The following TBC1D5 variants were observed in gnomAD, a reference collection of about 807,000 sequenced individuals.
TBC1D5 encodes the protein TBC1 domain family, member 5.
A neutral mutation model predicts 100.3 loss-of-function variants in TBC1D5; 75 were observed. The observed-to-expected ratio is 0.75, with a 90% CI of 0.62 to 0.91. The LOEUF is 0.91. Among genes scored for constraint, TBC1D5 ranks in the 40% least tolerant of loss-of-function variants. TBC1D5 has a pLI of 0.00. For synonymous variants in TBC1D5, 323 were observed against 325.6 expected, an observed-to-expected ratio of 0.99 and a Z score of 0.09; for missense variants, 910 against 942.4, an observed-to-expected ratio of 0.97 and a Z score of 0.45.
chr3:17,556,030 G>GT (rs1164984830), intron 2 of TBC1D5, among the ~76,000 whole-genome samples: 203 of 148,494 alleles, frequency 1.4e-3, no homozygotes, highest in East Asian at 7.3e-3. Context: ...TAATAGTTTG[G>GT]TTTTTTTTTT....
At chr3:17,309,692 T>C (rs1480168555) in intron 13 of TBC1D5, among the ~76,000 whole-genome samples, 1 of 152,106 alleles carries the variant, frequency 6.6e-6, no homozygotes, top group African/African-American at 2.4e-5. Context: ...AATGCTAATA[T>C]TTACTATTCC....
chr3:17,406,381 T>G (rs772666671), intron 5 of TBC1D5, 37 bp downstream of exon 5: 4 of 1,581,634 alleles, frequency 2.5e-6, no homozygotes, highest in African/African-American at 1.4e-5. Flanking sequence ...GTTGATATAT[T>G]GCAACCAGAA....
chr3:17,263,272 G>A (rs868189455), intron 15 of TBC1D5, among the ~76,000 whole-genome samples: 70 of 149,610 alleles, frequency 4.7e-4, no homozygotes, highest in African/African-American at 1.7e-3. Flanking sequence ...CTGAGGCTGA[G>A]GTAGAACAGC....
intron 14 of TBC1D5, among the ~76,000 whole-genome samples, chr3:17,293,287 A>ATAAT (rs1027825640): frequency 3.5e-4 from 53 of 152,270 alleles, no homozygotes; most frequent in African/African-American, 1.2e-3. Flanking sequence ...TGAGAACAGT[A>ATAAT]TAATGGTTTT....
intron 1 of TBC1D5, among the ~76,000 whole-genome samples, chr3:17,654,977 G>A (rs2065917349): frequency 6.6e-6 from 1 of 151,724 alleles, no homozygotes; most frequent in Non-Finnish European, 1.5e-5. Context: ...TCTGATGGTA[G>A]TTTGTATTTC....
intron 2 of TBC1D5, among the ~76,000 whole-genome samples, chr3:17,587,671 T>C (rs2096740818): frequency 6.6e-6 from 1 of 152,076 alleles, no homozygotes; most frequent in Non-Finnish European, 1.5e-5. Context: ...CATTTTCTTA[T>C]TTTAACTTTC....
intron 17 of TBC1D5, among the ~76,000 whole-genome samples, chr3:17,232,775 TA>T (rs1209527913): frequency 6.6e-6 from 1 of 152,164 alleles, no homozygotes; most frequent in East Asian, 1.9e-4. Flanking sequence ...CCACCCCCCC[TA>T]AAAAAATGGA....
rs534803772 is a variant in TBC1D5 at position 17,167,722 on chromosome 3, G to T, written c.1932+27C>A. On this transcript the variant is annotated intron_variant, in intron 20 of 21. Coordinates refer to ENST00000253692, the Ensembl canonical transcript of TBC1D5. The stretch of plus-strand genomic sequence containing the variant: ...CTCCCCGCGGCAGGCGGGACACAAA[G>T]AAATAGTGTCAGAGCAATGCACATA... The T allele has an allele frequency of 2.5e-5, 40 of 1,606,496 alleles. No homozygotes were observed. The East Asian group carries it at 2.7e-4, about 11-fold the overall frequency.
chr3:17,501,415 T>C (rs2153223417), intron 3 of TBC1D5, among the ~76,000 whole-genome samples: 1 of 149,552 alleles, frequency 6.7e-6, no homozygotes, highest in East Asian at 1.9e-4. Flanking sequence ...ATATATTAGA[T>C]AGGTACATTT....
chr3:17,648,825 TAAC>T (rs1251194144), intron 1 of TBC1D5, among the ~76,000 whole-genome samples: 1 of 152,044 alleles, frequency 6.6e-6, no homozygotes, highest in Non-Finnish European at 1.5e-5. Context: ...AGTCGAAACA[TAAC>T]AAATGCTGGC....
intron 1 of TBC1D5, among the ~76,000 whole-genome samples, chr3:17,694,180 C>T (rs2071626643): frequency 6.6e-6 from 1 of 152,160 alleles, no homozygotes; most frequent in African/African-American, 2.4e-5. Context: ...AATCAGAGTG[C>T]CTCTTCTCCT....
intron 3 of TBC1D5, among the ~76,000 whole-genome samples, chr3:17,496,273 C>T (rs1161783908): frequency 6.6e-6 from 1 of 152,128 alleles, no homozygotes; most frequent in East Asian, 1.9e-4. Flanking sequence ...TAGTTTCATT[C>T]CAAGTGACCC....
At chr3:17,290,130 T>C (rs2081576589) in intron 15 of TBC1D5, among the ~76,000 whole-genome samples, 1 of 152,214 alleles carries the variant, frequency 6.6e-6, no homozygotes, top group Non-Finnish European at 1.5e-5. Context: ...ATTGTACTGA[T>C]CATGTTTTTA....
chr3:17,645,564 A>G (rs550922850), intron 1 of TBC1D5, among the ~76,000 whole-genome samples: 1 of 152,238 alleles, frequency 6.6e-6, no homozygotes, highest in Non-Finnish European at 1.5e-5. Context: ...TTTTTCTACA[A>G]TGGATGAAAG....
chr3:17,373,677 A>T (rs1438756939), intron 12 of TBC1D5, among the ~76,000 whole-genome samples: 1 of 152,200 alleles, frequency 6.6e-6, no homozygotes, highest in Non-Finnish European at 1.5e-5. Context: ...TTTTTCAGGC[A>T]TAAAAAGAAA....
chr3:17,424,510 G>A (rs1232079664), intron 4 of TBC1D5, among the ~76,000 whole-genome samples: 7 of 152,116 alleles, frequency 4.6e-5, no homozygotes, highest in South Asian at 2.1e-4. Flanking sequence ...CAACATTAAC[G>A]TTGGTCTTTA....
rs377020877 is a variant in TBC1D5, at chr3:17,178,134, C to T, written c.1852+6975G>A. On this transcript the variant is annotated intron_variant, in intron 19 of 21. Transcript: ENST00000253692. ...AGGCTGGAGTGCAGTGGCGCGATCTCGGCTCACTGCAAGCTCTGCCTCCTG... is the reference window on the plus strand; with the variant it reads ...AGGCTGGAGTGCAGTGGCGCGATCTTGGCTCACTGCAAGCTCTGCCTCCTG... 2.6e-4 allele frequency among the ~76,000 whole-genome samples: 38 copies of T among 147,884 alleles called. No homozygotes were observed. The East Asian group carries it at 5.0e-3, about 19-fold the overall frequency.
At chr3:17,297,593 T>C (rs1221248333) in intron 14 of TBC1D5, among the ~76,000 whole-genome samples, 1 of 151,602 alleles carries the variant, frequency 6.6e-6, no homozygotes, top group Non-Finnish European at 1.5e-5. Context: ...AAAAAATTTC[T>C]TTTTTGGAGA....
At chr3:17,410,259 A>C (rs1024898368) in intron 4 of TBC1D5, among the ~76,000 whole-genome samples, 1 of 152,156 alleles carries the variant, frequency 6.6e-6, no homozygotes, top group Non-Finnish European at 1.5e-5. Flanking sequence ...GGTTTACAGA[A>C]TATTTTAAGC....
Sources: gnomAD v4.1 joint callset for allele counts (sites outside exome capture counted in the v4.1 genomes callset) on GRCh38, gnomAD v4.1.1 for gene constraint, MANE v1.5 for transcripts, NCBI Gene and HGNC (gene_info 2026-07-23, HGNC 2026-07-21) for gene names.